Variants in SLC5A1 observed in about 807,000 individuals in gnomAD.
The protein encoded by SLC5A1 is solute carrier family 5 member 1.
Under a neutral mutation model 73.5 loss-of-function variants are expected in SLC5A1, and 42 were observed. That is an observed-to-expected ratio of 0.57 (90% CI 0.45 to 0.74). SLC5A1 has a LOEUF of 0.74. Ranked by LOEUF, SLC5A1 falls within the 30% of genes least tolerant of loss-of-function variation. The pLI is 0.00. For synonymous variants in SLC5A1, 300 were observed against 317.4 expected, an observed-to-expected ratio of 0.95 and a Z score of 0.58; for missense variants, 634 against 855.4, an observed-to-expected ratio of 0.74 and a Z score of 3.23.
At chr22:32,060,144 TACACACAC>T (rs61064953) in intron 2 of SLC5A1, among the ~76,000 whole-genome samples, 11,395 of 125,082 alleles carry the variant, frequency 0.091, 616 homozygotes, top group Middle Eastern at 0.12. Flanking sequence ...TATATACACA[TACACACAC>T]ACACACACAC....
chr22:32,054,073 T>G (rs2149484269), intron 2 of SLC5A1, among the ~76,000 whole-genome samples: 1 of 152,272 alleles, frequency 6.6e-6, no homozygotes, highest in East Asian at 1.9e-4. Flanking sequence ...CTTGGGAGGC[T>G]GAGGTAGGAG....
chr22:32,057,070 A>G (rs2093952929), intron 2 of SLC5A1, among the ~76,000 whole-genome samples: 2 of 152,350 alleles, frequency 1.3e-5, no homozygotes, highest in South Asian at 2.1e-4. Context: ...GACTGCCTCA[A>G]GGTCACATAG....
intron 12 of SLC5A1, among the ~76,000 whole-genome samples, chr22:32,101,540 C>T (rs922605581): frequency 6.6e-6 from 1 of 152,168 alleles, no homozygotes; most frequent in Non-Finnish European, 1.5e-5. Flanking sequence ...GTTTCTTTCT[C>T]CTTCATCTTC....
intron 10 of SLC5A1, among the ~76,000 whole-genome samples, chr22:32,086,888 T>C (rs968898173): frequency 2.0e-5 from 3 of 152,054 alleles, no homozygotes; most frequent in African/African-American, 7.3e-5. Flanking sequence ...ATAAAGAAAA[T>C]GTAATATACA....
intron 2 of SLC5A1, 141 bp from the exon 3 acceptor site, chr22:32,066,794 G>T: frequency 1.5e-6 from 1 of 683,340 alleles, no homozygotes; most frequent in Admixed American, 2.1e-5. Context: ...TGTCCCTGAT[G>T]ATTCCAGCAC....
intron 5 of SLC5A1, among the ~76,000 whole-genome samples, chr22:32,070,109 G>T (rs1389748987): frequency 2.0e-5 from 3 of 151,968 alleles, no homozygotes; most frequent in African/African-American, 7.2e-5. Context: ...ACCTTGCAGA[G>T]CTGAGATTTC....
At chr22:32,102,314 AT>A in intron 13 of SLC5A1, 77 bp downstream of exon 13, 1 of 1,054,208 alleles carries the variant, frequency 9.5e-7, no homozygotes, top group Non-Finnish European at 1.5e-6. Flanking sequence ...TAAATTTTTC[AT>A]TATTATGGGT....
chr22:32,096,557 TGTA>T (rs2094026620), intron 11 of SLC5A1, among the ~76,000 whole-genome samples: 1 of 152,232 alleles, frequency 6.6e-6, no homozygotes, highest in Admixed American at 6.5e-5. Flanking sequence ...GAATATACTC[TGTA>T]AAGTCAGTCT....
chr22:32,074,919 T>C (rs1394050527), intron 5 of SLC5A1, among the ~76,000 whole-genome samples: 1 of 151,852 alleles, frequency 6.6e-6, no homozygotes, highest in African/African-American at 2.4e-5. Context: ...TTTACTGAGA[T>C]AGGGTATTGC....
At chr22:32,104,401 A>T (rs149095635) in intron 13 of SLC5A1, among the ~76,000 whole-genome samples, 2 of 152,378 alleles carry the variant, frequency 1.3e-5, no homozygotes, top group African/African-American at 4.8e-5. Context: ...ATAATGTGAC[A>T]TAGTGCAAAA....
At chr22:32,083,453 A>G (rs1209878597) in intron 7 of SLC5A1, among the ~76,000 whole-genome samples, 1 of 152,196 alleles carries the variant, frequency 6.6e-6, no homozygotes, top group Non-Finnish European at 1.5e-5. Flanking sequence ...TTCTGTTTGC[A>G]GAGAAACTGG....
chr22:32,068,838 A>G (rs1288458237), intron 5 of SLC5A1, among the ~76,000 whole-genome samples: 1 of 152,194 alleles, frequency 6.6e-6, no homozygotes, highest in Non-Finnish European at 1.5e-5. Flanking sequence ...AGGTTCAGGG[A>G]AAGCAGTTCT....
chr22:32,107,004 GA>G (rs901111711), intron 14 of SLC5A1, among the ~76,000 whole-genome samples: 2 of 152,192 alleles, frequency 1.3e-5, no homozygotes. Context: ...CATGTAAATT[GA>G]GGCTTAGGGA....
rs896443157 is a variant in SLC5A1 at position 32,057,298 on chromosome 22, A to T, written c.207+7284A>T. ...TCATTGTTTTTTGAGATATGATCTCACTCTGTTGCCCAAGCTGGAGTGCAG... is the reference window on the plus strand; with the variant it reads ...TCATTGTTTTTTGAGATATGATCTCTCTCTGTTGCCCAAGCTGGAGTGCAG... On this transcript the variant is annotated intron_variant, in intron 2 of 14. Transcript: ENST00000266088. 4.6e-5 allele frequency among the ~76,000 whole-genome samples: 7 copies of T among 152,214 alleles called. No individual in the cohort carries two copies. In the South Asian group the frequency reaches 6.2e-4, roughly 14 times the overall value.
intron 14 of SLC5A1, among the ~76,000 whole-genome samples, chr22:32,106,499 G>A (rs1337756002): frequency 6.6e-6 from 1 of 152,206 alleles, no homozygotes; most frequent in Non-Finnish European, 1.5e-5. Flanking sequence ...CCAGGGATAA[G>A]AGAAGAGTTG....
At chr22:32,087,218 T>G (rs1228739411) in intron 10 of SLC5A1, among the ~76,000 whole-genome samples, 1 of 152,220 alleles carries the variant, frequency 6.6e-6, no homozygotes, top group Non-Finnish European at 1.5e-5. Context: ...ATTGTATACT[T>G]GAAAATTGCC....
At position 32,086,757 on chromosome 22, in the gene SLC5A1, A is replaced by G. The variant is rs1603131209; in HGVS notation, c.1129+430A>G. ...ATCCCATGACTGGGCATATAGCCAA[A>G]GGAAATGAAATCAGTGTTTTGAAGA... On this transcript the variant is annotated intron_variant, in intron 10 of 14. Coordinates refer to ENST00000266088, the MANE Select transcript of SLC5A1 (RefSeq NM_000343.4). Among the ~76,000 whole-genome samples, 6 of 152,334 alleles carry G rather than the reference A, an allele frequency of 3.9e-5. 1 individual carries two copies. The highest frequency in any genetic ancestry group is 3.9e-4 in the Admixed American group (6 of 15,300).
At chr22:32,091,815 A>C in intron 11 of SLC5A1, 53 bp downstream of exon 11, 1 of 1,594,222 alleles carries the variant, frequency 6.3e-7, no homozygotes, top group Non-Finnish European at 8.6e-7. Context: ...GAGAGGTTCC[A>C]TCTGTGTTAC....
chr22:32,084,554 C>T lies in SLC5A1; in HGVS notation c.780C>T (p.Ala260=), dbSNP rs148824104. 19 of 1,614,086 alleles carry T rather than the reference C, an allele frequency of 1.2e-5. No homozygotes were observed. The highest frequency in any genetic ancestry group is 5.3e-5 in the African/African-American group (4 of 74,928). Residue 260 remains alanine, a synonymous_variant, in exon 8 of 15, where the codon GCC becomes GCT. Coordinates refer to ENST00000266088, the MANE Select transcript of SLC5A1 (RefSeq NM_000343.4). ...TFQEKCYTPR[A]DSFHIFRDPL... is the part of the protein sequence containing the mutation. Reference sequence around the variant, plus strand: ...AGGAAAAATGCTACACTCCAAGGGCCGACTCCTTCCACATCTTCCGAGATC... The same window carrying T: ...AGGAAAAATGCTACACTCCAAGGGCTGACTCCTTCCACATCTTCCGAGATC...
Sources: allele counts gnomAD v4.1 joint callset (sites outside exome capture counted in the v4.1 genomes callset), GRCh38; gene constraint gnomAD v4.1.1; transcripts MANE v1.5; gene names NCBI Gene and HGNC (gene_info 2026-07-23, HGNC 2026-07-21).